ITGAM: variants seen among roughly 807,000 people sequenced by gnomAD.
ITGAM encodes integrin alpha-M.
ITGAM carries 79 observed loss-of-function variants against 137.5 expected under a neutral mutation model. That is an observed-to-expected ratio of 0.57 (90% CI 0.48 to 0.69). ITGAM has a LOEUF of 0.69. Ranked by LOEUF, ITGAM falls within the 30% of genes least tolerant of loss-of-function variation. ITGAM has a pLI of 0.00. For missense variants in ITGAM, 1,343 were observed against 1,483.5 expected (o/e 0.91, Z 1.56); for synonymous variants, 583 against 592.3 (o/e 0.98, Z 0.23).
rs1278423634 is a variant in ITGAM, at chr16:31,332,852, T to C, written c.*1145T>C. 1 of 152,262 alleles carries C rather than the reference T, an allele frequency of 6.6e-6. No homozygotes were observed. Among genetic ancestry groups the C allele is most frequent in the Non-Finnish European group, 1.5e-5 (1 of 68,042 alleles). The allele number at this position is 152,262 out of a possible 1,614,324, so 9.4% of individuals were successfully genotyped here. On this transcript the variant is annotated 3_prime_UTR_variant, in exon 30 of 30. Transcript: ENST00000544665. ...TGTTATTGCATCAATGCTGAGTTAA[T>C]AAATCAAATATATGTCATTTTTGCA...
intron 5 of ITGAM, among the ~76,000 whole-genome samples, chr16:31,270,732 TATATATATA>T (rs1567248857): frequency 2.7e-5 from 3 of 112,444 alleles, no homozygotes; most frequent in Non-Finnish European, 5.5e-5. Context: ...TATATATATA[TATATATATA>T]TATGTTTTTA....
Position 31,328,152 on chromosome 16 carries a change from A to G in ITGAM, c.2714A>G (p.Asn905Ser), listed in dbSNP as rs767963110. ...LLLKANVTSE[N>S]NMPRTNKTEF... The stretch of plus-strand genomic sequence containing the variant: ...AGCTCTTTCTTTCCCTCCAGTGAGA[A>G]CAACATGCCCAGAACCAACAAAACC... The change falls in exon 23 of 30, where the codon AAC becomes AGC. Residue 905 changes from asparagine (N) to serine (S), a missense_variant. By Grantham distance (46) the Asn-to-Ser change is conservative. Transcript: ENST00000544665. 6 of 1,613,672 alleles carry G rather than the reference A, an allele frequency of 3.7e-6. No individual in the cohort carries two copies. The East Asian group carries it at 1.3e-4, about 36-fold the overall frequency.
intron 29 of ITGAM, 159 bp downstream of exon 29, chr16:31,331,434 ATGCGCGGGG>A (rs1286861398): frequency 1.5e-6 from 1 of 672,424 alleles, no homozygotes; most frequent in African/African-American, 1.8e-5. Context: ...GGCCGGGTTC[ATGCGCGGGG>A]CGCGCTGAGA....
chr16:31,261,509 T>G (rs1017947710), intron 1 of ITGAM, among the ~76,000 whole-genome samples, 183 bp from the exon 2 acceptor site: 1 of 151,722 alleles, frequency 6.6e-6, no homozygotes, highest in Non-Finnish European at 1.5e-5. Context: ...TATTATTAGT[T>G]TTTGTTTTTT....
chr16:31,308,366 G>A (rs1436953535), intron 14 of ITGAM, among the ~76,000 whole-genome samples: 1 of 152,062 alleles, frequency 6.6e-6, no homozygotes, highest in African/African-American at 2.4e-5. Context: ...CTTCTTCCTG[G>A]TTTAGTCTTG....
At chr16:31,301,366 T>C (rs1411914088) in intron 14 of ITGAM, among the ~76,000 whole-genome samples, 2 of 152,190 alleles carry the variant, frequency 1.3e-5, no homozygotes, top group African/African-American at 4.8e-5. Flanking sequence ...GGAGAATCAG[T>C]TGGACCCATA....
chr16:31,290,282 A>G (rs781029251), intron 12 of ITGAM, among the ~76,000 whole-genome samples: 5 of 152,106 alleles, frequency 3.3e-5, no homozygotes, highest in Non-Finnish European at 7.3e-5. Flanking sequence ...GCTAACAGGT[A>G]GAGAATTTCT....
chr16:31,297,549 G>C lies in ITGAM; in HGVS notation c.1392G>C (p.Val464=). 1.2e-6 allele frequency: 2 copies of C among 1,612,138 alleles called. No homozygotes were observed. Among genetic ancestry groups the C allele is most frequent in the Middle Eastern group, 2.2e-4 (1 of 4,512 alleles). The change falls in exon 13 of 30, where the codon GTG becomes GTC. Residue 464 remains valine, a synonymous_variant. Transcript: ENST00000544665. ...GAYFGASLCS[V]DVDSNGSTDL... is the part of the protein sequence containing the mutation. ...ACTTCGGGGCCTCCCTCTGCTCCGT[G>C]GACGTGGACAGCAACGGCAGCACCG...
At position 31,271,931 on chromosome 16, in the gene ITGAM, G is replaced by T. The variant is rs2079845231; in HGVS notation, c.643G>T (p.Val215Leu). ...GAACAACCCTAACCCAAGATCACTG[G>T]TGAAGCCAATAACGCAGCTGCTTGG... ...FQNNPNPRSL[V>L]KPITQLLGRT... The change falls in exon 7 of 30, where the codon GTG (valine) becomes TTG (leucine). Residue 215 changes from valine (V) to leucine (L), a missense_variant. Physicochemically the swap from Val to Leu is conservative, Grantham distance 32. Coordinates refer to ENST00000544665, the MANE Select transcript of ITGAM (RefSeq NM_000632.4). The T allele has an allele frequency of 2.5e-6, 4 of 1,613,846 alleles. No homozygotes were observed. The African/African-American group carries it at 5.3e-5, about 22-fold the overall frequency.
At position 31,324,717 on chromosome 16, in the gene ITGAM, T is replaced by C. The variant is rs754938679; in HGVS notation, c.2224T>C (p.Leu742=). ...GAACTTCTCTCTGGTGGGAACGCCATTGTCTGCTTTCGGGAACCTCCGGCC... is the reference window on the plus strand; with the variant it reads ...GAACTTCTCTCTGGTGGGAACGCCACTGTCTGCTTTCGGGAACCTCCGGCC... The part of the protein sequence containing the change: ...RLNFSLVGTP[L]SAFGNLRPVL... The change falls in exon 18 of 30, where the codon TTG becomes CTG. Residue 742 remains leucine, a synonymous_variant. Coordinates refer to ENST00000544665, the MANE Select transcript of ITGAM (RefSeq NM_000632.4). The surrounding 1 kb of genome is among the most constrained non-coding windows in gnomAD (Gnocchi z 4.5). 2.5e-5 allele frequency: 40 copies of C among 1,600,222 alleles called. No individual in the cohort carries two copies. The highest frequency in any genetic ancestry group is 1.9e-5 in the Non-Finnish European group (22 of 1,174,070).
rs748195366 is a variant in ITGAM, at chr16:31,266,032, C to T, written c.312C>T (p.Ala104=). ...AATTSPPQLL[A]CGPTVHQTCS... ...TTCCACTGGCTCCTGTCCCCTAGGC[C>T]TGTGGTCCCACCGTGCACCAGACTT... The change falls in exon 5 of 30, where the codon GCC becomes GCT. Residue 104 remains alanine, a splice_region_variant and synonymous_variant. Transcript: ENST00000544665. 3 of 1,613,416 alleles carry T rather than the reference C, an allele frequency of 1.9e-6. No homozygotes were observed. Among genetic ancestry groups the T allele is most frequent in the South Asian group, 1.1e-5 (1 of 91,080 alleles).
chr16:31,302,034 A>G (rs1202712948), intron 14 of ITGAM, among the ~76,000 whole-genome samples: 2 of 152,214 alleles, frequency 1.3e-5, no homozygotes, highest in Non-Finnish European at 2.9e-5. Context: ...CCCTGACAAA[A>G]AAAAACCCAC....
At chr16:31,328,346 G>A (rs2080530751) in intron 23 of ITGAM, 116 bp downstream of exon 23, 3 of 801,212 alleles carry the variant, frequency 3.7e-6, no homozygotes, top group Non-Finnish European at 6.5e-6. Flanking sequence ...GAGGATCTCT[G>A]TGCATGTATG....
At chr16:31,261,198 C>CTTTT (rs1017498448) in intron 1 of ITGAM, among the ~76,000 whole-genome samples, 17 of 123,226 alleles carry the variant, frequency 1.4e-4, no homozygotes, top group African/African-American at 4.6e-4. Flanking sequence ...ATGCTGCTAT[C>CTTTT]TTTTTTTTTT....
chr16:31,303,189 C>T (rs150324507), intron 14 of ITGAM, among the ~76,000 whole-genome samples: 5 of 151,486 alleles, frequency 3.3e-5, no homozygotes, highest in South Asian at 2.1e-4. Context: ...TGCACCCCCA[C>T]GCTTGGCTAA....
Position 31,331,248 on chromosome 16 carries a change from G to A in ITGAM, c.3360G>A (p.Leu1120=), listed in dbSNP as rs1383032223. The A allele has an allele frequency of 6.2e-7, 1 of 1,612,526 alleles. No homozygotes were observed. Among genetic ancestry groups the A allele is most frequent in the Admixed American group, 1.7e-5 (1 of 59,962 alleles). The change falls in exon 29 of 30, where the codon CTG becomes CTA. Residue 1120 remains leucine (L), a synonymous_variant. Coordinates refer to ENST00000544665, the MANE Select transcript of ITGAM (RefSeq NM_000632.4). ...VGSSVGGLLL[L]ALITAALYKL... ...GCTCTGTCGGGGGACTGCTGCTCCT[G>A]GCCCTCATCACCGCCGCGCTGTACA...
At chr16:31,285,339 A>G (rs2080017483) in intron 12 of ITGAM, among the ~76,000 whole-genome samples, 1 of 152,172 alleles carries the variant, frequency 6.6e-6, no homozygotes, top group Admixed American at 6.6e-5. Flanking sequence ...GAAATTGGGC[A>G]TAAGACAACA....
intron 14 of ITGAM, among the ~76,000 whole-genome samples, chr16:31,303,479 TG>T (rs2080235948): frequency 6.6e-6 from 1 of 152,330 alleles, no homozygotes; most frequent in South Asian, 2.1e-4. Flanking sequence ...CAGTAACTTT[TG>T]GGGTACAAGT....
At chr16:31,325,228 G>A (rs1421202518) in intron 19 of ITGAM, 35 bp from the exon 20 acceptor site, 14 of 1,588,208 alleles carry the variant, frequency 8.8e-6, no homozygotes, top group Non-Finnish European at 1.2e-5. Flanking sequence ...GAAGCCCAGC[G>A]CCCCATCCCC....
Sources: gnomAD v4.1 joint callset for allele counts (sites outside exome capture counted in the v4.1 genomes callset) on GRCh38, gnomAD v4.1.1 for gene constraint, Gnocchi (gnomAD v3.1) non-coding constraint, MANE v1.5 for transcripts, NCBI Gene and HGNC (gene_info 2026-07-23, HGNC 2026-07-21) for gene names.